NSUN4: variants seen among roughly 807,000 people sequenced by gnomAD.
NSUN4 encodes the protein NOP2/Sun RNA methyltransferase 4.
In NSUN4, 31 loss-of-function variants were observed where a neutral mutation model predicts 43.8. That is an observed-to-expected ratio of 0.71 (90% CI 0.53 to 0.96). The LOEUF (loss-of-function observed/expected upper bound fraction) is 0.96. Among genes scored for constraint, NSUN4 ranks in the 40% least tolerant of loss-of-function variants. The pLI is 0.00. For missense variants in NSUN4, 439 were observed against 475.6 expected (o/e 0.92, Z 0.72); for synonymous variants, 167 against 184.1 (o/e 0.91, Z 0.75).
chr1:46,353,133 A>T (rs1663126978), intron 4 of NSUN4, 105 bp downstream of exon 4: 1 of 1,094,966 alleles, frequency 9.1e-7, no homozygotes, highest in African/African-American at 1.6e-5. Flanking sequence ...TTGAGCATGT[A>T]GAGCTGTTTC....
At chr1:46,343,071 C>A in intron 1 of NSUN4, 1 of 399,600 alleles carries the variant, frequency 2.5e-6, no homozygotes, top group South Asian at 1.3e-4. Flanking sequence ...TAGTTATGCT[C>A]AGAGCAGCCG....
At chr1:46,359,228 C>G (rs550697110) in intron 4 of NSUN4, among the ~76,000 whole-genome samples, 1 of 152,066 alleles carries the variant, frequency 6.6e-6, no homozygotes, top group Non-Finnish European at 1.5e-5. Context: ...CCATTGTGCT[C>G]CAGCCTGGGT....
chr1:46,374,323 G>A, the NSUN4 span, among the ~76,000 whole-genome samples: 59,432 of 143,404 alleles, frequency 0.41, 12,576 homozygotes, highest in South Asian at 0.51. Context: ...ATAGAGATCT[G>A]TTGTGGCCAG....
chr1:46,340,875 G>C lies in NSUN4; in HGVS notation c.49G>C (p.Asp17His), dbSNP rs891662836. The C allele has an allele frequency of 5.0e-6, 8 of 1,613,598 alleles. No individual in the cohort carries two copies. Among genetic ancestry groups the C allele is most frequent in the Non-Finnish European group, 5.9e-6 (7 of 1,179,838 alleles). ...TGTCCGGGAGCTGCTGAAGCGTGTG[G>C]ACCTCGCGACGGTCCCGCGGAGACA... Reference protein sequence around the residue: ...RGVRELLKRVDLATVPRRHRY... With the variant: ...RGVRELLKRVHLATVPRRHRY... The change falls in exon 1 of 6, where the codon GAC becomes CAC. Residue 17 changes from aspartate (D) to histidine (H), a missense_variant. Asp to His is a moderately conservative substitution (Grantham distance 81). Coordinates refer to ENST00000474844, the MANE Select transcript of NSUN4 (RefSeq NM_199044.4).
chr1:46,376,758 T>G, the NSUN4 span, among the ~76,000 whole-genome samples: 2 of 151,392 alleles, frequency 1.3e-5, no homozygotes, highest in African/African-American at 4.9e-5. Flanking sequence ...AGAAACACAC[T>G]TACTAGGTTT....
At chr1:46,344,767 G>T (rs1240563391) in intron 1 of NSUN4, 34 bp from the exon 2 acceptor site, 5 of 1,581,316 alleles carry the variant, frequency 3.2e-6, no homozygotes, top group Non-Finnish European at 4.3e-6. Flanking sequence ...AGTCAAGACT[G>T]GGAAAACCAA....
the NSUN4 span, among the ~76,000 whole-genome samples, chr1:46,380,186 C>G: frequency 6.6e-6 from 1 of 152,136 alleles, no homozygotes; most frequent in African/African-American, 2.4e-5. Context: ...CAGCCCTGCC[C>G]CCACCTCAGA....
chr1:46,346,044 G>T (rs1405617938), intron 2 of NSUN4, among the ~76,000 whole-genome samples: 2 of 151,676 alleles, frequency 1.3e-5, no homozygotes, highest in Non-Finnish European at 2.9e-5. Flanking sequence ...CCAGCTACTT[G>T]GGAGGCTGAG....
chr1:46,382,370 C>G, the NSUN4 span, among the ~76,000 whole-genome samples: 1 of 152,202 alleles, frequency 6.6e-6, no homozygotes. Flanking sequence ...TACACACATT[C>G]TAAACTTTTA....
chr1:46,376,592 C>G, the NSUN4 span, among the ~76,000 whole-genome samples: 1 of 151,812 alleles, frequency 6.6e-6, no homozygotes, highest in Non-Finnish European at 1.5e-5. Flanking sequence ...TTAAAGGAAC[C>G]ACAACAAGCA....
At chr1:46,346,834 C>A in intron 2 of NSUN4, 87 bp from the exon 3 acceptor site, 1 of 1,087,948 alleles carries the variant, frequency 9.2e-7, no homozygotes. Flanking sequence ...GGAGCTCAAG[C>A]CCCAGAGGGC....
At chr1:46,344,637 A>G in intron 1 of NSUN4, 164 bp from the exon 2 acceptor site, 1 of 640,352 alleles carries the variant, frequency 1.6e-6, no homozygotes, top group Non-Finnish European at 2.8e-6. Flanking sequence ...CCCACTCTCC[A>G]CTACTTTTCC....
chr1:46,380,453 CTCT>C, the NSUN4 span, among the ~76,000 whole-genome samples: 2 of 152,202 alleles, frequency 1.3e-5, no homozygotes, highest in Non-Finnish European at 2.9e-5. Context: ...CATCCACCTG[CTCT>C]TCTAGTCCAT....
At chr1:46,359,610 G>C (rs1480315647) in intron 4 of NSUN4, among the ~76,000 whole-genome samples, 2 of 147,034 alleles carry the variant, frequency 1.4e-5, no homozygotes, top group African/African-American at 5.1e-5. Context: ...GAGTGCAATG[G>C]CGCGATCTTG....
intron 1 of NSUN4, chr1:46,343,052 C>T: frequency 2.5e-6 from 1 of 399,808 alleles, no homozygotes; most frequent in Non-Finnish European, 4.4e-6. Context: ...GTGATCCTGT[C>T]TCGGCCAATA....
downstream of NSUN4, among the ~76,000 whole-genome samples, chr1:46,365,558 T>A (rs1001735086): frequency 1.3e-5 from 2 of 151,988 alleles, no homozygotes; most frequent in East Asian, 3.9e-4. Context: ...GCCAGGCTGG[T>A]CTCGAACTCC....
chr1:46,355,807 G>C (rs1254330803), intron 4 of NSUN4, among the ~76,000 whole-genome samples: 1 of 152,126 alleles, frequency 6.6e-6, no homozygotes, highest in Non-Finnish European at 1.5e-5. Flanking sequence ...CTGAGGTCAG[G>C]AGTTTGAGAC....
At chr1:46,382,843 C>T in the NSUN4 span, among the ~76,000 whole-genome samples, 1 of 152,194 alleles carries the variant, frequency 6.6e-6, no homozygotes, top group Non-Finnish European at 1.5e-5. Context: ...CTCAGGTGAT[C>T]CACCTACCTC....
chr1:46,369,323 A>C (rs1168908081), downstream of NSUN4, among the ~76,000 whole-genome samples: 2 of 152,202 alleles, frequency 1.3e-5, no homozygotes, highest in African/African-American at 2.4e-5. Context: ...CAACATGCTT[A>C]GTACCTATTT....
Sources: gnomAD v4.1 joint callset for allele counts (sites outside exome capture counted in the v4.1 genomes callset) on GRCh38, gnomAD v4.1.1 for gene constraint, MANE v1.5 for transcripts, NCBI Gene and HGNC (gene_info 2026-07-23, HGNC 2026-07-21) for gene names.